The following CCDC175 variants were observed in gnomAD, a reference collection of about 807,000 sequenced individuals.
CCDC175 encodes the protein coiled-coil domain containing 175, also known as coiled-coil domain-containing protein 175.
CCDC175 carries 100 observed loss-of-function variants against 114.6 expected under a neutral mutation model. The ratio of observed to expected loss-of-function variants is 0.87; its 90% confidence interval spans 0.74 to 1.03. CCDC175 has a LOEUF of 1.03. Among genes scored for constraint, CCDC175 ranks in the 50% least tolerant of loss-of-function variants. CCDC175 has a pLI of 0.00. For missense variants in CCDC175, 880 were observed against 917.8 expected, an observed-to-expected ratio of 0.96 and a Z score of 0.53; for synonymous variants, 306 against 308.7, an observed-to-expected ratio of 0.99 and a Z score of 0.09.
At chr14:59,505,881 C>T (rs1892341573) in intron 19 of CCDC175, among the ~76,000 whole-genome samples, 1 of 152,076 alleles carries the variant, frequency 6.6e-6, no homozygotes, top group Non-Finnish European at 1.5e-5. Context: ...TTCAAAAATG[C>T]TTGAGACCAG....
At position 59,572,803 on chromosome 14, in the gene CCDC175, C is replaced by A; in HGVS notation, c.254G>T (p.Arg85Ile). The part of the protein sequence containing the change: ...AVAVKKLEEM[R>I]KATIDLLEIE... The stretch of plus-strand genomic sequence containing the variant: ...CTCCAAAAGATCGATTGTGGCTTTT[C>A]TCATTTCTTCCTGAAAATTTAAATT... Residue 85 changes from arginine (R) to isoleucine (I), a missense_variant, in exon 3 of 20, where the codon AGA (arginine) becomes ATA (isoleucine). Arg to Ile is a moderately conservative substitution (Grantham distance 97, BLOSUM62 -3). Transcript: ENST00000537690. The A allele has an allele frequency of 6.7e-7, 1 of 1,497,452 alleles. No individual in the cohort carries two copies. The highest frequency in any genetic ancestry group is 2.5e-5 in the Admixed American group (1 of 39,696). The allele number at this position is 1,497,452 out of a possible 1,614,324, so 92.8% of individuals were successfully genotyped here. A position where few individuals can be genotyped will look rare whatever the true frequency, so the allele number is the denominator to read the frequency against.
At chr14:59,508,565 C>CAAA (rs565175219) in intron 19 of CCDC175, among the ~76,000 whole-genome samples, 1,374 of 74,568 alleles carry the variant, frequency 0.018, 55 homozygotes, top group Middle Eastern at 0.077. Flanking sequence ...GGCCCTGTCT[C>CAAA]AAAAAAAAAA....
At chr14:59,505,791 T>C (rs1202820214) in intron 19 of CCDC175, among the ~76,000 whole-genome samples, 3 of 152,328 alleles carry the variant, frequency 2.0e-5, no homozygotes, top group East Asian at 1.9e-4. Context: ...ACAATCCTTA[T>C]CACTACAGTG....
chr14:59,512,127 A>G (rs899687775), intron 17 of CCDC175, among the ~76,000 whole-genome samples: 2 of 152,346 alleles, frequency 1.3e-5, no homozygotes, highest in Admixed American at 1.3e-4. Context: ...GCACTGGCAC[A>G]GCAGGGTGGT....
chr14:59,555,729 C>G (rs1003374070), intron 7 of CCDC175, among the ~76,000 whole-genome samples: 3 of 152,256 alleles, frequency 2.0e-5, no homozygotes, highest in African/African-American at 7.2e-5. Context: ...TTGTCTCAGC[C>G]CAAAATCTCC....
chr14:59,525,408 T>C lies in CCDC175; in HGVS notation c.1869A>G (p.Gln623=). The change falls in exon 16 of 20, where the codon CAA becomes CAG. Residue 623 remains glutamine, a synonymous_variant. Transcript: ENST00000537690. ...NMEDVKQELQ[Q]LRDQESKKNK... ...TTTTTTTGCTTTCTTGATCTCGTAA[T>C]TGTTGTAATTCTTGTTTTACATCTT... 2 of 1,514,398 alleles carry C rather than the reference T, an allele frequency of 1.3e-6. No homozygotes were observed. Among genetic ancestry groups the C allele is most frequent in the African/African-American group, 1.4e-5 (1 of 71,162 alleles). 93.8% of individuals were successfully genotyped at this position (1,514,398 alleles called of 1,614,324 possible).
chr14:59,524,218 T>C (rs1893606269), intron 16 of CCDC175, among the ~76,000 whole-genome samples: 1 of 152,178 alleles, frequency 6.6e-6, no homozygotes. Flanking sequence ...CTATACACTT[T>C]AAAAATATGC....
chr14:59,530,235 C>T (rs1359049588), intron 14 of CCDC175, among the ~76,000 whole-genome samples: 3 of 151,532 alleles, frequency 2.0e-5, no homozygotes, highest in Admixed American at 6.6e-5. Context: ...GGCATGGTGG[C>T]GCACACCTGT....
At chr14:59,517,696 C>T (rs1326109750) in intron 17 of CCDC175, among the ~76,000 whole-genome samples, 2 of 152,180 alleles carry the variant, frequency 1.3e-5, no homozygotes, top group African/African-American at 4.8e-5. Context: ...GAAGAACATT[C>T]CATGCTCACG....
chr14:59,508,399 T>TACACACACACTCACACACACACAC (rs1892549927), intron 19 of CCDC175, among the ~76,000 whole-genome samples: 1 of 97,350 alleles, frequency 1.0e-5, no homozygotes, highest in African/African-American at 4.6e-5. Context: ...GTCTCCAAAA[T>TACACACACACTCACACACACACAC]ACACACACAC....
intron 19 of CCDC175, 156 bp downstream of exon 19, chr14:59,510,490 C>A: frequency 1.3e-6 from 1 of 757,658 alleles, no homozygotes; most frequent in Non-Finnish European, 2.3e-6. Context: ...GAGTATTCAA[C>A]CCCAAATAAG....
Position 59,505,293 on chromosome 14 carries a change from T to A in CCDC175, c.2328A>T (p.Thr776=), listed in dbSNP as rs1297356546. ...ATTTAACCACTGGGAAATGAACCCT[T>A]GTACGAATGTGTTTCTTCTTCTCTG... ...DLLKKKKHIR[T]RVHFPVVKCT... The change falls in exon 20 of 20, where the codon ACA becomes ACT. Residue 776 remains threonine, a synonymous_variant. Transcript: ENST00000537690. The A allele has an allele frequency of 1.3e-6, 2 of 1,501,270 alleles. No individual in the cohort carries two copies. The highest frequency in any genetic ancestry group is 2.8e-5 in the African/African-American group (2 of 72,206). 93.0% of individuals were successfully genotyped at this position (1,501,270 alleles called of 1,614,324 possible).
At chr14:59,566,732 T>C (rs972289126) in intron 4 of CCDC175, among the ~76,000 whole-genome samples, 2 of 152,194 alleles carry the variant, frequency 1.3e-5, no homozygotes, top group Admixed American at 1.3e-4. Context: ...TATCTAGTTT[T>C]TGAAATTTGC....
intron 3 of CCDC175, among the ~76,000 whole-genome samples, chr14:59,571,709 C>T (rs1160776716): frequency 1.3e-5 from 2 of 152,230 alleles, no homozygotes; most frequent in South Asian, 4.2e-4. Context: ...CTGTTGAAAA[C>T]AGCAAGGCAG....
Position 59,563,771 on chromosome 14 carries a change from G to C in CCDC175, c.809C>G (p.Ser270Ter). The stretch of plus-strand genomic sequence containing the variant: ...AACAGTAACTGTTTCTTTTATTTTT[G>C]ACATTTTAGTTTGTAATTTATCCAA... The part of the protein sequence containing the change: ...KELDKLQTKM[S>*]KIKETVTVSA... Residue 270 changes from serine to a stop codon, truncating the protein, a stop_gained, in exon 6 of 20, where the codon TCA becomes TGA. Coordinates refer to ENST00000537690, the MANE Select transcript of CCDC175 (RefSeq NM_001164399.2). LOFTEE classifies it high-confidence loss of function. 1 of 1,435,094 alleles carries C rather than the reference G, an allele frequency of 7.0e-7. No homozygotes were observed. The highest frequency in any genetic ancestry group is 9.1e-7 in the Non-Finnish European group (1 of 1,094,990). The allele number at this position is 1,435,094 out of a possible 1,614,324, so 88.9% of individuals were successfully genotyped here. A position where few individuals can be genotyped will look rare whatever the true frequency, so the allele number is the denominator to read the frequency against.
chr14:59,554,675 G>T (rs1895760374), intron 7 of CCDC175, among the ~76,000 whole-genome samples: 1 of 152,102 alleles, frequency 6.6e-6, no homozygotes, highest in South Asian at 2.1e-4. Context: ...ATGAATCCAG[G>T]AGCTGGTTTT....
At chr14:59,542,616 T>C (rs886731172) in intron 10 of CCDC175, among the ~76,000 whole-genome samples, 2 of 152,086 alleles carry the variant, frequency 1.3e-5, no homozygotes, top group African/African-American at 4.8e-5. Context: ...ATAATCTGCA[T>C]AGAATACTAT....
chr14:59,573,895 G>A (rs747671730), intron 2 of CCDC175, among the ~76,000 whole-genome samples: 12 of 152,238 alleles, frequency 7.9e-5, no homozygotes, highest in East Asian at 1.9e-4. Context: ...GATTACAGGC[G>A]TGAGCCACCA....
chr14:59,545,050 G>T, intron 9 of CCDC175, 113 bp downstream of exon 9: 1 of 1,079,782 alleles, frequency 9.3e-7, no homozygotes, highest in Non-Finnish European at 1.3e-6. Context: ...TTTCATTTTT[G>T]TCAATAGATT....
Sources: allele counts gnomAD v4.1 joint callset (sites outside exome capture counted in the v4.1 genomes callset), GRCh38; gene constraint gnomAD v4.1.1; transcripts MANE v1.5; gene names NCBI Gene and HGNC (gene_info 2026-07-23, HGNC 2026-07-21).